CBX5: variants seen among roughly 807,000 people sequenced by gnomAD.
CBX5 encodes chromobox protein homolog 5.
Under a neutral mutation model 20.7 loss-of-function variants are expected in CBX5, and 7 were observed. The observed-to-expected ratio is 0.34, with a 90% CI of 0.19 to 0.63. The LOEUF (loss-of-function observed/expected upper bound fraction) is 0.63, where lower values mean the gene tolerates loss of function less well. Among genes scored for constraint, CBX5 ranks in the 30% least tolerant of loss-of-function variants. CBX5 has a pLI of 0.75. For missense variants in CBX5, 110 were observed against 224.1 expected (o/e 0.49, Z 3.25); for synonymous variants, 78 against 77.0 (o/e 1.01, Z -0.07).
chr12:54,257,459 C>T, intron 2 of CBX5, 55 bp downstream of exon 2: 1 of 1,583,760 alleles, frequency 6.3e-7, no homozygotes, highest in South Asian at 1.1e-5. Context: ...AGGAAGTAAA[C>T]CAAAGGTATC....
chr12:54,264,247 C>T (rs924587332), intron 1 of CBX5, among the ~76,000 whole-genome samples: 2 of 152,136 alleles, frequency 1.3e-5, no homozygotes, highest in Non-Finnish European at 2.9e-5. Flanking sequence ...TCTCAAACTC[C>T]TGGGCTCAAG....
Position 54,233,344 on chromosome 12 carries a change from A to G in CBX5, c.*8411T>C, listed in dbSNP as rs964375822. 6 of 152,200 alleles carry G rather than the reference A, an allele frequency of 3.9e-5. No individual in the cohort carries two copies. Among genetic ancestry groups the G allele is most frequent in the African/African-American group, 1.2e-4 (5 of 41,442 alleles). The allele number at this position is 152,200 out of a possible 1,614,324, so 9.4% of individuals were successfully genotyped here. A position where few individuals can be genotyped will look rare whatever the true frequency, so the allele number is the denominator to read the frequency against. On this transcript the variant is annotated 3_prime_UTR_variant, in exon 5 of 5. Coordinates refer to ENST00000209875, the MANE Select transcript of CBX5 (RefSeq NM_012117.3). ...TTTACTTTGGATTCTGGTAGAAATC[A>G]TTATGTCTCTTATCCTAAACTGAGG...
At position 54,242,904 on chromosome 12, in the gene CBX5, C is replaced by T. The variant is rs529216015; in HGVS notation, c.426-999G>A. Among the ~76,000 whole-genome samples, 17 of 152,060 alleles carry T rather than the reference C, an allele frequency of 1.1e-4. No homozygotes were observed. In the South Asian group the frequency reaches 2.7e-3, roughly 24 times the overall value. On this transcript the variant is annotated intron_variant, in intron 4 of 4. Coordinates refer to ENST00000209875, the MANE Select transcript of CBX5 (RefSeq NM_012117.3). ...CTTTGGGAGGCTGAGGCAGGTGGAT[C>T]GCTTGAGCCTAGGAGTTTGAGACCA...
intron 4 of CBX5, among the ~76,000 whole-genome samples, chr12:54,244,265 G>A (rs1943710235): frequency 6.6e-6 from 1 of 151,220 alleles, no homozygotes; most frequent in African/African-American, 2.4e-5. Flanking sequence ...CGGCGTCTCG[G>A]CCTCCCAAAG....
At chr12:54,243,979 T>A (rs1157626364) in intron 4 of CBX5, among the ~76,000 whole-genome samples, 1 of 152,118 alleles carries the variant, frequency 6.6e-6, no homozygotes. Flanking sequence ...TCTCATCAGA[T>A]AAAATGTTAA....
intron 1 of CBX5, among the ~76,000 whole-genome samples, chr12:54,265,132 C>T (rs1943945102): frequency 6.6e-6 from 1 of 152,168 alleles, no homozygotes; most frequent in Non-Finnish European, 1.5e-5. Flanking sequence ...GCACGATTCC[C>T]ACTTCTCCTT....
intron 1 of CBX5, among the ~76,000 whole-genome samples, chr12:54,267,672 C>G (rs1362645208): frequency 6.6e-6 from 1 of 151,968 alleles, no homozygotes; most frequent in African/African-American, 2.4e-5. Context: ...CCACCACGCC[C>G]GGCTAATTTT....
rs1565862605 is a variant in CBX5, at chr12:54,231,941, C to G, written c.*9814G>C. ...GATACCACAAAGGGGTACAGTGACC[C>G]AGCTGTCCTGGGATTGGTTGGGGAG... On this transcript the variant is annotated 3_prime_UTR_variant, in exon 5 of 5. Coordinates refer to ENST00000209875, the MANE Select transcript of CBX5 (RefSeq NM_012117.3). 1 of 152,286 alleles carries G rather than the reference C, an allele frequency of 6.6e-6. No individual in the cohort carries two copies. The highest frequency in any genetic ancestry group is 2.4e-5 in the African/African-American group (1 of 41,522). The allele number at this position is 152,286 out of a possible 1,614,324, so 9.4% of individuals were successfully genotyped here. A position where few individuals can be genotyped will look rare whatever the true frequency, so the allele number is the denominator to read the frequency against.
intron 4 of CBX5, among the ~76,000 whole-genome samples, chr12:54,242,405 G>C (rs957503194): frequency 6.6e-6 from 1 of 151,518 alleles, no homozygotes; most frequent in Non-Finnish European, 1.5e-5. Context: ...GGCGCCTGTA[G>C]TCCCAGCTAC....
At chr12:54,273,748 G>C (rs945484915) in intron 1 of CBX5, 2 of 152,200 alleles carry the variant, frequency 1.3e-5, no homozygotes, top group Admixed American at 1.3e-4. Flanking sequence ...AGAGCCTCCA[G>C]AGGGGCCTCA....
intron 1 of CBX5, among the ~76,000 whole-genome samples, chr12:54,260,738 GATAT>G (rs1351911862): frequency 6.6e-6 from 1 of 152,034 alleles, no homozygotes; most frequent in African/African-American, 2.4e-5. Flanking sequence ...AAATAAAAAA[GATAT>G]ATAGAGACTT....
At chr12:54,257,932 A>T (rs1040366744) in intron 1 of CBX5, 2 of 327,332 alleles carry the variant, frequency 6.1e-6, no homozygotes, top group East Asian at 5.3e-5. Context: ...CAACTGTTTA[A>T]CTCTTCTATT....
Position 54,234,201 on chromosome 12 carries a change from A to T in CBX5, c.*7554T>A, listed in dbSNP as rs1741068140. 1 of 150,676 alleles carries T rather than the reference A, an allele frequency of 6.6e-6. No individual in the cohort carries two copies. Among genetic ancestry groups the T allele is most frequent in the African/African-American group, 2.4e-5 (1 of 40,954 alleles). 9.3% of individuals were successfully genotyped at this position (150,676 alleles called of 1,614,324 possible). ...CTCAAAAAAAAAAAAAAAAAAAAAA[A>T]AAAAAGGTTCAATATGGATACTCTA... is the stretch of plus-strand genomic sequence containing the variant. On this transcript the variant is annotated 3_prime_UTR_variant, in exon 5 of 5. Transcript: ENST00000209875.
chr12:54,242,670 C>A (rs1252011116), intron 4 of CBX5, among the ~76,000 whole-genome samples: 2 of 152,114 alleles, frequency 1.3e-5, no homozygotes, highest in African/African-American at 4.8e-5. Context: ...ATACTCATTA[C>A]CCCTCTGGCC....
At chr12:54,259,794 G>A (rs1943898480) in intron 1 of CBX5, among the ~76,000 whole-genome samples, 1 of 152,218 alleles carries the variant, frequency 6.6e-6, no homozygotes, top group Admixed American at 6.5e-5. Flanking sequence ...AGAGCTTAAG[G>A]GAATTACTTC....
In CBX5 at chr12:54,235,869, G is replaced by GT. The variant is rs1943616433; in HGVS notation, c.*5885dup. On this transcript the variant is annotated 3_prime_UTR_variant, in exon 5 of 5. Coordinates refer to ENST00000209875, the MANE Select transcript of CBX5 (RefSeq NM_012117.3). ...ATGTTGTTATAGAACCCACAATAAT[G>GT]TAACACAACTGAATCTGCAACATAG... The GT allele has an allele frequency of 6.6e-6, 1 of 152,182 alleles. No individual in the cohort carries two copies. The highest frequency in any genetic ancestry group is 2.1e-4 in the South Asian group (1 of 4,828). 9.4% of individuals were successfully genotyped at this position (152,182 alleles called of 1,614,324 possible).
chr12:54,254,695 A>C (rs1943846404), intron 2 of CBX5, among the ~76,000 whole-genome samples: 1 of 151,968 alleles, frequency 6.6e-6, no homozygotes, highest in South Asian at 2.1e-4. Flanking sequence ...TCTAATAAAA[A>C]TACAAAATTT....
chr12:54,238,504 C>T lies in CBX5; in HGVS notation c.*3251G>A, dbSNP rs1171345389. On this transcript the variant is annotated 3_prime_UTR_variant, in exon 5 of 5. Transcript: ENST00000209875. ...TCTGGGATCTACTGAGGAGTGAAAT[C>T]TAAATGAAGATTTAGCTTAGAAAGC... 1 of 152,072 alleles carries T rather than the reference C, an allele frequency of 6.6e-6. No individual in the cohort carries two copies. Among genetic ancestry groups the T allele is most frequent in the African/African-American group, 2.4e-5 (1 of 41,382 alleles). 9.4% of individuals were successfully genotyped at this position (152,072 alleles called of 1,614,324 possible).
In CBX5 at chr12:54,240,423, C is replaced by G. The variant is rs1380130171; in HGVS notation, c.*1332G>C. ...TATATTTTTTAGAGACAGGGGGTCT[C>G]ACTACATTGCCCAGGCTGGTCTCAA... On this transcript the variant is annotated 3_prime_UTR_variant, in exon 5 of 5. Coordinates refer to ENST00000209875, the MANE Select transcript of CBX5 (RefSeq NM_012117.3). The G allele has an allele frequency of 6.6e-6, 1 of 152,174 alleles. No homozygotes were observed. Among genetic ancestry groups the G allele is most frequent in the African/African-American group, 2.4e-5 (1 of 41,424 alleles). The allele number at this position is 152,174 out of a possible 1,614,324, so 9.4% of individuals were successfully genotyped here.
Sources: allele counts gnomAD v4.1 joint callset (sites outside exome capture counted in the v4.1 genomes callset), GRCh38; gene constraint gnomAD v4.1.1; transcripts MANE v1.5; gene names NCBI Gene and HGNC (gene_info 2026-07-23, HGNC 2026-07-21).